PSMB2: variants seen among roughly 807,000 people sequenced by gnomAD.
The protein encoded by PSMB2 is proteasome 20S subunit beta 2.
In PSMB2, 13 loss-of-function variants were observed where a neutral mutation model predicts 25.7. The observed-to-expected ratio is 0.51, with a 90% CI of 0.33 to 0.80. PSMB2 has a LOEUF of 0.80. Among genes scored for constraint, PSMB2 ranks in the 30% least tolerant of loss-of-function variants. The pLI is 0.02. For missense variants in PSMB2, 202 were observed against 259.0 expected (o/e 0.78, Z 1.51); for synonymous variants, 87 against 96.2 (o/e 0.90, Z 0.56).
intron 1 of PSMB2, among the ~76,000 whole-genome samples, chr1:35,638,453 A>G (rs1232684242): frequency 6.6e-6 from 1 of 152,236 alleles, no homozygotes; most frequent in Non-Finnish European, 1.5e-5. Flanking sequence ...GAACTTCGGC[A>G]AATTACTTGT....
At chr1:35,605,338 CAGA>C in intron 4 of PSMB2, 56 bp from the exon 5 acceptor site, 6 of 1,545,414 alleles carry the variant, frequency 3.9e-6, no homozygotes, top group Non-Finnish European at 5.3e-6. Flanking sequence ...ATCCAACTCT[CAGA>C]AGCTTTTGAT....
chr1:35,631,865 T>A (rs191460001), intron 2 of PSMB2, among the ~76,000 whole-genome samples: 2,275 of 151,568 alleles, frequency 0.015, 62 homozygotes, highest in African/African-American at 0.051. Flanking sequence ...CTAAAAAAAA[T>A]TTTTTTTTAA....
Position 35,600,793 on chromosome 1 carries a change from A to C in PSMB2, c.*2474T>G. On this transcript the variant is annotated 3_prime_UTR_variant, in exon 6 of 6. Transcript: ENST00000373237. ...GATTGCCCTGGGGACACTTACATTC[A>C]AAGGCAGAGAACCGTATGTCATCCC... is the stretch of plus-strand genomic sequence containing the variant. 2.0e-6 allele frequency: 2 copies of C among 985,448 alleles called. No homozygotes were observed. The highest frequency in any genetic ancestry group is 2.4e-6 in the Non-Finnish European group (2 of 829,942). The allele number at this position is 985,448 out of a possible 1,614,324, so 61.0% of individuals were successfully genotyped here.
intron 3 of PSMB2, among the ~76,000 whole-genome samples, chr1:35,612,778 C>T (rs1245128775): frequency 6.6e-6 from 1 of 152,226 alleles, no homozygotes; most frequent in Non-Finnish European, 1.5e-5. Context: ...TTAGCCAAGA[C>T]AATTTCATCA....
In PSMB2 at chr1:35,600,224, C is replaced by A; in HGVS notation, c.*3043G>T. On this transcript the variant is annotated 3_prime_UTR_variant, in exon 6 of 6. Coordinates refer to ENST00000373237, the MANE Select transcript of PSMB2 (RefSeq NM_002794.5). ...CCAGAACTTGGTGGCCATGTAGAGA[C>A]AGGAGATAAAGAATGGCATAAAAAT... is the stretch of plus-strand genomic sequence containing the variant. The A allele has an allele frequency of 3.0e-6, 3 of 985,326 alleles. No homozygotes were observed. The highest frequency in any genetic ancestry group is 3.6e-6 in the Non-Finnish European group (3 of 829,880). 61.0% of individuals were successfully genotyped at this position (985,326 alleles called of 1,614,324 possible).
intron 2 of PSMB2, among the ~76,000 whole-genome samples, chr1:35,634,780 T>C (rs1274783378): frequency 1.3e-5 from 2 of 151,946 alleles, no homozygotes; most frequent in Non-Finnish European, 2.9e-5. Flanking sequence ...TTGGGTTTTT[T>C]TTTTTTTGGT....
At chr1:35,622,285 A>G (rs1318370183) in intron 3 of PSMB2, among the ~76,000 whole-genome samples, 1 of 152,164 alleles carries the variant, frequency 6.6e-6, no homozygotes, top group Non-Finnish European at 1.5e-5. Context: ...TGTATCTGTG[A>G]GTATGTGGGA....
intron 3 of PSMB2, among the ~76,000 whole-genome samples, chr1:35,610,639 GCGC>G (rs1178934279): frequency 6.6e-6 from 1 of 152,044 alleles, no homozygotes; most frequent in African/African-American, 2.4e-5. Flanking sequence ...GGGATGACAG[GCGC>G]CCTCCACCAC....
chr1:35,611,241 A>G (rs1239987955), intron 3 of PSMB2, among the ~76,000 whole-genome samples: 3 of 152,216 alleles, frequency 2.0e-5, no homozygotes, highest in African/African-American at 7.2e-5. Flanking sequence ...ATGAAGTGTA[A>G]TAGCTAATGG....
chr1:35,616,857 AT>A (rs1171552003), intron 3 of PSMB2, among the ~76,000 whole-genome samples: 1 of 152,082 alleles, frequency 6.6e-6, no homozygotes, highest in Non-Finnish European at 1.5e-5. Context: ...CTCAATTTCA[AT>A]TTTGCTATTT....
chr1:35,620,339 G>A (rs148177114), intron 3 of PSMB2, among the ~76,000 whole-genome samples: 14 of 152,180 alleles, frequency 9.2e-5, no homozygotes, highest in Non-Finnish European at 1.3e-4. Context: ...TTATTGCTAC[G>A]GCTTTAACTG....
rs145866418 is a variant in PSMB2 at position 35,601,507 on chromosome 1, C to T, written c.*1760G>A. 2 of 985,372 alleles carry T rather than the reference C, an allele frequency of 2.0e-6. No homozygotes were observed. Among genetic ancestry groups the T allele is most frequent in the Non-Finnish European group, 2.4e-6 (2 of 829,920 alleles). 61.0% of individuals were successfully genotyped at this position (985,372 alleles called of 1,614,324 possible). ...TGAATCATCTCTTTTCTCCCATTTA[C>T]TCAATGATTAGCTTTCTTCTTATGG... On this transcript the variant is annotated 3_prime_UTR_variant, in exon 6 of 6. Transcript: ENST00000373237.
intron 2 of PSMB2, among the ~76,000 whole-genome samples, chr1:35,636,105 G>A (rs967838277): frequency 2.6e-5 from 4 of 152,242 alleles, no homozygotes; most frequent in Admixed American, 6.5e-5. Context: ...GAAAAATCAC[G>A]TGAAGACACA....
chr1:35,641,321 G>A (rs767978487), intron 1 of PSMB2, 21 bp downstream of exon 1: 1 of 1,613,948 alleles, frequency 6.2e-7, no homozygotes, highest in Non-Finnish European at 8.5e-7. Flanking sequence ...GCCTGGCCGG[G>A]CCTCCCCTGC....
At chr1:35,606,557 G>A (rs571011949) in intron 4 of PSMB2, among the ~76,000 whole-genome samples, 1 of 152,088 alleles carries the variant, frequency 6.6e-6, no homozygotes, top group African/African-American at 2.4e-5. Context: ...GAGGATACAA[G>A]CGAATGGAAA....
intron 3 of PSMB2, among the ~76,000 whole-genome samples, chr1:35,615,077 G>A (rs1300021824): frequency 2.0e-5 from 3 of 152,182 alleles, no homozygotes; most frequent in Non-Finnish European, 4.4e-5. Flanking sequence ...TAATAATGCA[G>A]ATTGACTATT....
Position 35,601,903 on chromosome 1 carries a change from A to T in PSMB2, c.*1364T>A, listed in dbSNP as rs2148559531. ...AGTTATGCTAAGAGTAAAACGAGTAACTGGTTAACTGCCCATGATACATCA... is the reference window on the plus strand; with the variant it reads ...AGTTATGCTAAGAGTAAAACGAGTATCTGGTTAACTGCCCATGATACATCA... On this transcript the variant is annotated 3_prime_UTR_variant, in exon 6 of 6. Coordinates refer to ENST00000373237, the MANE Select transcript of PSMB2 (RefSeq NM_002794.5). 1 of 985,456 alleles carries T rather than the reference A, an allele frequency of 1.0e-6. No individual in the cohort carries two copies. Among genetic ancestry groups the T allele is most frequent in the Non-Finnish European group, 1.2e-6 (1 of 829,924 alleles). 61.0% of individuals were successfully genotyped at this position (985,456 alleles called of 1,614,324 possible).
At chr1:35,621,598 G>C (rs1039410044) in intron 3 of PSMB2, among the ~76,000 whole-genome samples, 2 of 152,102 alleles carry the variant, frequency 1.3e-5, no homozygotes, top group African/African-American at 4.8e-5. Flanking sequence ...AAAAGTAATG[G>C]TAAATCTGGC....
intron 2 of PSMB2, among the ~76,000 whole-genome samples, chr1:35,635,321 A>G (rs1276500340): frequency 6.7e-6 from 1 of 149,744 alleles, no homozygotes; most frequent in Non-Finnish European, 1.5e-5. Flanking sequence ...TGCTCAGGCT[A>G]GTCTTAAACT....
Sources: allele counts gnomAD v4.1 joint callset (sites outside exome capture counted in the v4.1 genomes callset), GRCh38; gene constraint gnomAD v4.1.1; transcripts MANE v1.5; gene names NCBI Gene and HGNC (gene_info 2026-07-23, HGNC 2026-07-21).